Variants in SHISA6 observed in about 807,000 individuals in gnomAD.
SHISA6 encodes the protein shisa family member 6.
SHISA6 carries 22 observed loss-of-function variants against 47.9 expected under a neutral mutation model. The observed-to-expected ratio is 0.46, with a 90% confidence interval of 0.33 to 0.66. SHISA6 has a LOEUF of 0.66. Among genes scored for constraint, SHISA6 ranks in the 30% least tolerant of loss-of-function variants. The pLI, the probability that SHISA6 is intolerant of heterozygous loss-of-function variation, is 0.02. For missense variants in SHISA6, 680 were observed against 764.6 expected (o/e 0.89, Z 1.30); for synonymous variants, 388 against 337.8 (o/e 1.15, Z -1.63).
intron 2 of SHISA6, among the ~76,000 whole-genome samples, chr17:11,333,440 G>A (rs1911203577): frequency 6.6e-6 from 1 of 152,142 alleles, no homozygotes; most frequent in Non-Finnish European, 1.5e-5. Context: ...GACAGGAGCT[G>A]GAGCTTGAGT....
At chr17:11,472,380 G>A (rs1242071573) in intron 3 of SHISA6, among the ~76,000 whole-genome samples, 2 of 152,036 alleles carry the variant, frequency 1.3e-5, no homozygotes, top group Non-Finnish European at 2.9e-5. Context: ...TTAGTTTTTT[G>A]TAGAGACAGG....
At chr17:11,378,058 C>G (rs573946682) in intron 2 of SHISA6, among the ~76,000 whole-genome samples, 1 of 152,280 alleles carries the variant, frequency 6.6e-6, no homozygotes, top group South Asian at 2.1e-4. Flanking sequence ...CTCCTCGTCC[C>G]CCAACTCTGA....
chr17:11,449,388 A>G (rs1319377533), intron 3 of SHISA6, among the ~76,000 whole-genome samples: 3 of 152,128 alleles, frequency 2.0e-5, no homozygotes. Flanking sequence ...GGTTGCACTG[A>G]GCTGAGATCG....
chr17:11,399,348 G>A (rs997701504), intron 3 of SHISA6, among the ~76,000 whole-genome samples: 1 of 152,156 alleles, frequency 6.6e-6, no homozygotes, highest in Admixed American at 6.5e-5. Context: ...AATATTGAGT[G>A]TAGGACTCAA....
intron 3 of SHISA6, among the ~76,000 whole-genome samples, chr17:11,433,003 T>C (rs914432195): frequency 1.3e-5 from 2 of 152,320 alleles, no homozygotes; most frequent in South Asian, 4.1e-4. Context: ...ACTCTGTGAA[T>C]ACACAAAAAA....
chr17:11,553,158 A>ACAGGCAGGAATG (rs1421291901), intron 4 of SHISA6, among the ~76,000 whole-genome samples: 1 of 152,212 alleles, frequency 6.6e-6, no homozygotes, highest in Non-Finnish European at 1.5e-5. Context: ...AAAATATTCA[A>ACAGGCAGGAATG]CAGGCAGGAA....
intron 2 of SHISA6, among the ~76,000 whole-genome samples, chr17:11,265,224 G>A (rs1239860283): frequency 1.3e-5 from 2 of 152,172 alleles, no homozygotes; most frequent in East Asian, 3.9e-4. Context: ...TCTCCCCAAG[G>A]TGATTCTAAC....
chr17:11,541,597 T>C (rs2071834133), intron 3 of SHISA6, among the ~76,000 whole-genome samples: 1 of 152,238 alleles, frequency 6.6e-6, no homozygotes, highest in Non-Finnish European at 1.5e-5. Context: ...TAATACCAAA[T>C]GACTCATCCC....
intron 3 of SHISA6, among the ~76,000 whole-genome samples, chr17:11,547,681 G>C (rs1217398206): frequency 6.6e-6 from 1 of 152,088 alleles, no homozygotes. Flanking sequence ...AAATTAGGAG[G>C]CAGGAATTAG....
intron 3 of SHISA6, among the ~76,000 whole-genome samples, chr17:11,431,203 C>G (rs892005276): frequency 6.6e-5 from 10 of 152,200 alleles, no homozygotes; most frequent in Admixed American, 5.2e-4. Context: ...TCTCCCCACT[C>G]TCCTCCATGC....
rs546843132 is a variant in SHISA6, at chr17:11,555,973, C to T, written c.1105+81C>T. On this transcript the variant is annotated intron_variant, in intron 5 of 5. Coordinates refer to ENST00000441885, the MANE Select transcript of SHISA6 (RefSeq NM_207386.4). Reference sequence around the variant, plus strand: ...CTATGTCACACTCTCTTGCTCCATACCCCATAGGACAGCTGTCAAATCCCA... The same window carrying T: ...CTATGTCACACTCTCTTGCTCCATATCCCATAGGACAGCTGTCAAATCCCA... 8 of 1,381,560 alleles carry T rather than the reference C, an allele frequency of 5.8e-6. No homozygotes were observed. In the South Asian group the frequency reaches 1.0e-4, roughly 18 times the overall value. 85.6% of individuals were successfully genotyped at this position (1,381,560 alleles called of 1,614,324 possible).
At chr17:11,408,161 T>C (rs1363923677) in intron 3 of SHISA6, among the ~76,000 whole-genome samples, 3 of 152,142 alleles carry the variant, frequency 2.0e-5, no homozygotes, top group Non-Finnish European at 2.9e-5. Flanking sequence ...CGAAAAAAAG[T>C]TAGCAAGAAA....
intron 2 of SHISA6, among the ~76,000 whole-genome samples, chr17:11,333,142 A>G (rs1289561372): frequency 1.3e-5 from 2 of 152,080 alleles, no homozygotes; most frequent in African/African-American, 2.4e-5. Flanking sequence ...CGTGCATTAT[A>G]AGGAATATTT....
intron 1 of SHISA6, among the ~76,000 whole-genome samples, chr17:11,262,063 C>T (rs1159222416): frequency 6.6e-6 from 1 of 152,178 alleles, no homozygotes; most frequent in Non-Finnish European, 1.5e-5. Context: ...GGACTAATAT[C>T]TAGGTATATA....
Position 11,555,472 on chromosome 17 carries a change from G to C in SHISA6, c.953-268G>C, listed in dbSNP as rs146450978. Among the ~76,000 whole-genome samples, 557 of 152,084 alleles carry C rather than the reference G, an allele frequency of 3.7e-3. 3 individuals are homozygous for C. The highest frequency in any genetic ancestry group is 5.9e-3 in the Non-Finnish European group (398 of 67,996). On this transcript the variant is annotated intron_variant, in intron 4 of 5. Coordinates refer to ENST00000441885, the MANE Select transcript of SHISA6 (RefSeq NM_207386.4). ...CAGATAACCCAGAGATGTACTGAGA[G>C]AGAGAATTCGCTCCTCAGACTCAAG...
intron 3 of SHISA6, among the ~76,000 whole-genome samples, chr17:11,393,230 C>G (rs1251274747): frequency 6.6e-5 from 10 of 152,188 alleles, no homozygotes. Context: ...TACAGTTGCT[C>G]AAGCAGCACT....
At position 11,271,942 on chromosome 17, in the gene SHISA6, C is replaced by T. The variant is rs188084290; in HGVS notation, c.799+8416C>T. Among the ~76,000 whole-genome samples the T allele has an allele frequency of 3.3e-5, 5 of 152,234 alleles. No homozygotes were observed. The South Asian group carries it at 6.2e-4, about 19-fold the overall frequency. ...GGGATATGTTCAGCCTCTTCACCCT[C>T]ACGTAGGATGAGCCCACCCTCCTTT... On this transcript the variant is annotated intron_variant, in intron 2 of 5. Transcript: ENST00000441885.
At chr17:11,288,413 A>G (rs1388703778) in intron 2 of SHISA6, 1 of 152,144 alleles carries the variant, frequency 6.6e-6, no homozygotes, top group Non-Finnish European at 1.5e-5. Context: ...AATTGTAAAT[A>G]AGATCACTAT....
intron 2 of SHISA6, among the ~76,000 whole-genome samples, chr17:11,293,277 G>A (rs1909620367): frequency 6.6e-6 from 1 of 152,202 alleles, no homozygotes; most frequent in African/African-American, 2.4e-5. Context: ...TAGACAGGGT[G>A]AAGTCGGTGC....
Sources: allele counts gnomAD v4.1 joint callset (sites outside exome capture counted in the v4.1 genomes callset), GRCh38; gene constraint gnomAD v4.1.1; transcripts MANE v1.5; gene names NCBI Gene and HGNC (gene_info 2026-07-23, HGNC 2026-07-21).